The following NIBAN1 variants were observed in gnomAD, a reference collection of about 807,000 sequenced individuals.
The protein encoded by NIBAN1 is niban apoptosis regulator 1, also known as protein Niban 1.
A neutral mutation model predicts 75.1 loss-of-function variants in NIBAN1; 81 were observed. The ratio of observed to expected loss-of-function variants is 1.08; its 90% CI spans 0.90 to 1.30. The LOEUF is 1.30. Among genes scored for constraint, NIBAN1 ranks in the 50% most tolerant of loss-of-function variants. NIBAN1 has a pLI of 0.00. For missense variants in NIBAN1, 1,133 were observed against 1,128.1 expected (o/e 1.00, Z -0.06); for synonymous variants, 436 against 424.8 (o/e 1.03, Z -0.32).
intron 9 of NIBAN1, among the ~76,000 whole-genome samples, chr1:184,809,307 C>G (rs1472982849): frequency 6.6e-6 from 1 of 152,114 alleles, no homozygotes; most frequent in Non-Finnish European, 1.5e-5. Context: ...CAGCTCCTCA[C>G]CAAATGGAAT....
chr1:184,816,431 C>T (rs1216830164), intron 9 of NIBAN1, among the ~76,000 whole-genome samples: 2 of 152,164 alleles, frequency 1.3e-5, no homozygotes, highest in Non-Finnish European at 2.9e-5. Context: ...GAAAGTGGCA[C>T]TAAGGCCCTA....
intron 1 of NIBAN1, among the ~76,000 whole-genome samples, chr1:184,957,052 G>C (rs1219020609): frequency 6.6e-6 from 1 of 152,180 alleles, no homozygotes; most frequent in African/African-American, 2.4e-5. Context: ...CTGGTAAACT[G>C]GGTCTCAAAA....
chr1:184,929,970 A>C (rs1172590542), intron 1 of NIBAN1, among the ~76,000 whole-genome samples: 3 of 152,218 alleles, frequency 2.0e-5, no homozygotes, highest in Non-Finnish European at 4.4e-5. Context: ...AAGACCAAAA[A>C]CAGGAATCGA....
At chr1:184,826,314 G>A (rs540700590) in intron 6 of NIBAN1, among the ~76,000 whole-genome samples, 21 of 152,304 alleles carry the variant, frequency 1.4e-4, no homozygotes, top group African/African-American at 5.1e-4. Flanking sequence ...GTCAAGAGAT[G>A]AATCACCATT....
chr1:184,822,504 G>A (rs1654730633), intron 8 of NIBAN1, among the ~76,000 whole-genome samples: 1 of 152,164 alleles, frequency 6.6e-6, no homozygotes, highest in Non-Finnish European at 1.5e-5. Context: ...AAAAACAGGT[G>A]GTGGCCCAAT....
intron 10 of NIBAN1, 21 bp downstream of exon 10, chr1:184,808,053 G>A (rs1028484570): frequency 5.6e-6 from 9 of 1,612,928 alleles, no homozygotes; most frequent in Non-Finnish European, 7.6e-6. Flanking sequence ...CATCCACCAC[G>A]GATGCCCCTG....
chr1:184,878,749 G>C (rs1012161775), intron 5 of NIBAN1, among the ~76,000 whole-genome samples: 3 of 152,172 alleles, frequency 2.0e-5, no homozygotes, highest in African/African-American at 7.2e-5. Context: ...GTAACACTGA[G>C]AAGACAACAT....
chr1:184,887,721 A>C (rs1656562930), intron 4 of NIBAN1: 1 of 152,240 alleles, frequency 6.6e-6, no homozygotes, highest in Non-Finnish European at 1.5e-5. Flanking sequence ...CCCTGAACTA[A>C]TATCGAAATA....
chr1:184,805,495 A>G (rs949526312), intron 11 of NIBAN1, among the ~76,000 whole-genome samples: 4 of 152,214 alleles, frequency 2.6e-5, no homozygotes, highest in Non-Finnish European at 5.9e-5. Context: ...AAACAATTTC[A>G]TATGGTAGAT....
At chr1:184,933,683 T>A (rs1557920359) in intron 1 of NIBAN1, among the ~76,000 whole-genome samples, 1 of 152,262 alleles carries the variant, frequency 6.6e-6, no homozygotes, top group Admixed American at 6.5e-5. Flanking sequence ...GCTATTTCCA[T>A]CAATATTACA....
At chr1:184,917,427 A>C (rs12732450) in intron 1 of NIBAN1, among the ~76,000 whole-genome samples, 6 of 143,066 alleles carry the variant, frequency 4.2e-5, no homozygotes, top group East Asian at 4.1e-4. Flanking sequence ...TTAGCCAGGA[A>C]GGTCTTGATC....
intron 5 of NIBAN1, among the ~76,000 whole-genome samples, chr1:184,875,713 TA>T (rs1318310956): frequency 6.6e-6 from 1 of 152,180 alleles, no homozygotes; most frequent in African/African-American, 2.4e-5. Flanking sequence ...GCAAGTGCTT[TA>T]AAATCATCAC....
At chr1:184,919,326 T>G (rs1657470118) in intron 1 of NIBAN1, among the ~76,000 whole-genome samples, 1 of 152,224 alleles carries the variant, frequency 6.6e-6, no homozygotes, top group East Asian at 1.9e-4. Context: ...AAGGGAGCGC[T>G]GGAGTGTTTG....
At chr1:184,879,833 C>T (rs971057634) in intron 5 of NIBAN1, among the ~76,000 whole-genome samples, 3 of 152,216 alleles carry the variant, frequency 2.0e-5, no homozygotes, top group African/African-American at 7.2e-5. Flanking sequence ...CCACCTGACT[C>T]ACTCCATACA....
At chr1:184,821,130 T>C (rs1021594623) in intron 8 of NIBAN1, among the ~76,000 whole-genome samples, 7 of 152,200 alleles carry the variant, frequency 4.6e-5, no homozygotes, top group African/African-American at 1.7e-4. Flanking sequence ...CCTCTCCTTG[T>C]AAAATCACGT....
chr1:184,893,926 G>T, intron 3 of NIBAN1, 149 bp downstream of exon 3: 1 of 726,574 alleles, frequency 1.4e-6, no homozygotes. Context: ...ATGAATGAGT[G>T]CTTATTGAAT....
At chr1:184,958,993 C>T (rs925308763) in intron 1 of NIBAN1, among the ~76,000 whole-genome samples, 1 of 152,230 alleles carries the variant, frequency 6.6e-6, no homozygotes, top group Non-Finnish European at 1.5e-5. Context: ...ATCCTTTAAA[C>T]AAACGCATTC....
chr1:184,900,912 T>C (rs1371598769), intron 1 of NIBAN1, among the ~76,000 whole-genome samples: 2 of 152,220 alleles, frequency 1.3e-5, no homozygotes, highest in Non-Finnish European at 2.9e-5. Flanking sequence ...ATTTTTGCTT[T>C]TAAAATTTGA....
At chr1:184,954,297 T>C (rs1263410869) in intron 1 of NIBAN1, among the ~76,000 whole-genome samples, 2 of 152,228 alleles carry the variant, frequency 1.3e-5, no homozygotes, top group Admixed American at 6.5e-5. Context: ...AACTCATCTG[T>C]TATTTCCCTT....
Sources: gnomAD v4.1 joint callset for allele counts (sites outside exome capture counted in the v4.1 genomes callset) on GRCh38, gnomAD v4.1.1 for gene constraint, MANE v1.5 for transcripts, NCBI Gene and HGNC (gene_info 2026-07-23, HGNC 2026-07-21) for gene names.